Variants in CHRM3 observed in about 807,000 individuals in gnomAD.
CHRM3 encodes the protein muscarinic acetylcholine receptor M3.
A neutral mutation model predicts 41.8 loss-of-function variants in CHRM3; 11 were observed. The observed-to-expected ratio is 0.26, with a 90% CI of 0.17 to 0.44. The LOEUF is 0.44. CHRM3 is among the 20% of genes least tolerant of loss of function. The pLI, the probability that CHRM3 is intolerant of heterozygous loss-of-function variation, is 1.00. For missense variants in CHRM3, 571 were observed against 745.4 expected, an observed-to-expected ratio of 0.77 and a Z score of 2.72; for synonymous variants, 297 against 301.4, an observed-to-expected ratio of 0.99 and a Z score of 0.15.
At chr1:239,873,114 G>A (rs1023127128) in intron 6 of CHRM3, among the ~76,000 whole-genome samples, 1 of 152,126 alleles carries the variant, frequency 6.6e-6, no homozygotes, top group African/African-American at 2.4e-5. Flanking sequence ...GGGATGTAGT[G>A]TGTCTATCTG....
intron 6 of CHRM3, among the ~76,000 whole-genome samples, chr1:239,883,782 T>C (rs1677841617): frequency 6.6e-6 from 1 of 152,192 alleles, no homozygotes; most frequent in Non-Finnish European, 1.5e-5. Context: ...AATATAAACA[T>C]AAGTAAAGGA....
intron 3 of CHRM3, among the ~76,000 whole-genome samples, chr1:239,561,013 T>G (rs2148488971): frequency 6.6e-6 from 1 of 152,266 alleles, no homozygotes; most frequent in South Asian, 2.1e-4. Flanking sequence ...CTTAGTCGGT[T>G]TTATTGAATC....
chr1:239,655,052 G>A (rs1360261873), intron 4 of CHRM3, among the ~76,000 whole-genome samples: 2 of 152,176 alleles, frequency 1.3e-5, no homozygotes, highest in Non-Finnish European at 2.9e-5. Context: ...AAAGTGGTGA[G>A]AAGTACAAAT....
At chr1:239,536,925 C>T (rs1474358476) in intron 2 of CHRM3, among the ~76,000 whole-genome samples, 3 of 152,180 alleles carry the variant, frequency 2.0e-5, no homozygotes, top group Non-Finnish European at 4.4e-5. Flanking sequence ...CTTCACATTC[C>T]AGAATGGATT....
chr1:239,903,116 G>A (rs1679706766), intron 6 of CHRM3, among the ~76,000 whole-genome samples: 1 of 152,080 alleles, frequency 6.6e-6, no homozygotes, highest in Non-Finnish European at 1.5e-5. Context: ...CTCAATTCTG[G>A]CTTCTTTCAT....
At chr1:239,675,441 T>C (rs978640898) in intron 4 of CHRM3, among the ~76,000 whole-genome samples, 2 of 152,192 alleles carry the variant, frequency 1.3e-5, no homozygotes, top group Non-Finnish European at 2.9e-5. Flanking sequence ...AAGTGTAGTT[T>C]GTCAAGAATT....
At chr1:239,509,775 T>G (rs1668799433) in intron 2 of CHRM3, among the ~76,000 whole-genome samples, 1 of 152,160 alleles carries the variant, frequency 6.6e-6, no homozygotes, top group South Asian at 2.1e-4. Flanking sequence ...CTGGGTTTTA[T>G]TTTCTTAGTC....
In CHRM3 at chr1:239,570,632, A is replaced by G. The variant is rs74673448; in HGVS notation, c.-313+24883A>G. Among the ~76,000 whole-genome samples, 416 of 152,308 alleles carry G rather than the reference A, an allele frequency of 2.7e-3. 7 individuals carry two copies. The East Asian group carries it at 0.032, about 12-fold the overall frequency. ...TGGTTTTATTTGCTTGCAGCTGAGC[A>G]TTGATTACGGCCATTGTTTCAAATA... On this transcript the variant is annotated intron_variant, in intron 3 of 6. Transcript: ENST00000676153.
At chr1:239,708,745 T>C (rs1204638433) in intron 5 of CHRM3, among the ~76,000 whole-genome samples, 1 of 138,924 alleles carries the variant, frequency 7.2e-6, no homozygotes, top group African/African-American at 2.7e-5. Context: ...TCTTTTTTTT[T>C]TTTTTTTTTT....
At chr1:239,537,412 G>A (rs1311063855) in intron 2 of CHRM3, among the ~76,000 whole-genome samples, 2 of 152,014 alleles carry the variant, frequency 1.3e-5, no homozygotes, top group Non-Finnish European at 2.9e-5. Context: ...TGGGAACAAA[G>A]GGAGGTGTCA....
chr1:239,729,038 T>C (rs1343920579), intron 5 of CHRM3, among the ~76,000 whole-genome samples: 1 of 151,888 alleles, frequency 6.6e-6, no homozygotes, highest in African/African-American at 2.4e-5. Flanking sequence ...CTAATACTCA[T>C]AAGAACTCAC....
chr1:239,523,010 G>T (rs1245133136), intron 2 of CHRM3, among the ~76,000 whole-genome samples: 2 of 152,138 alleles, frequency 1.3e-5, no homozygotes, highest in African/African-American at 4.8e-5. Flanking sequence ...CTAAGATCAG[G>T]CATCCTACCT....
intron 6 of CHRM3, among the ~76,000 whole-genome samples, chr1:239,882,275 T>C (rs1677708286): frequency 6.6e-6 from 1 of 152,198 alleles, no homozygotes; most frequent in Non-Finnish European, 1.5e-5. Flanking sequence ...CTAAATCATA[T>C]GCTAATTCGT....
intron 2 of CHRM3, among the ~76,000 whole-genome samples, chr1:239,504,993 T>C (rs1668473682): frequency 6.6e-6 from 1 of 152,042 alleles, no homozygotes; most frequent in African/African-American, 2.4e-5. Context: ...TACACCAAAA[T>C]CTCAGAAATC....
At chr1:239,881,252 C>T (rs1425813161) in intron 6 of CHRM3, among the ~76,000 whole-genome samples, 1 of 112,326 alleles carries the variant, frequency 8.9e-6, no homozygotes, top group Non-Finnish European at 1.7e-5. Context: ...CCCTGCACTC[C>T]AGCCTGGGCG....
intron 3 of CHRM3, among the ~76,000 whole-genome samples, chr1:239,617,518 A>G (rs1667764878): frequency 6.6e-6 from 1 of 152,114 alleles, no homozygotes; most frequent in Non-Finnish European, 1.5e-5. Context: ...TCAGCCCAGG[A>G]GTTTGAGACC....
At chr1:239,549,776 T>G (rs1195821382) in intron 3 of CHRM3, among the ~76,000 whole-genome samples, 1 of 151,810 alleles carries the variant, frequency 6.6e-6, no homozygotes, top group African/African-American at 2.4e-5. Flanking sequence ...CGCATTTCAT[T>G]CAGTACCACA....
chr1:239,444,899 C>T (rs770693237), intron 1 of CHRM3, among the ~76,000 whole-genome samples: 31 of 151,956 alleles, frequency 2.0e-4, no homozygotes, highest in Non-Finnish European at 4.1e-4. Flanking sequence ...CCCATAGGGG[C>T]GGAGATAGTA....
chr1:239,578,997 TCTCA>T (rs1447589561), intron 3 of CHRM3, among the ~76,000 whole-genome samples: 4 of 152,246 alleles, frequency 2.6e-5, no homozygotes, highest in African/African-American at 9.6e-5. Context: ...AATGTAAGTA[TCTCA>T]CTGTTCCATT....
Sources: allele counts gnomAD v4.1 joint callset (sites outside exome capture counted in the v4.1 genomes callset), GRCh38; gene constraint gnomAD v4.1.1; transcripts MANE v1.5; gene names NCBI Gene and HGNC (gene_info 2026-07-23, HGNC 2026-07-21).